The following BUD31 variants were observed in gnomAD, a reference collection of about 807,000 sequenced individuals.
BUD31 encodes BUD31 spliceosome associated protein, also known as protein BUD31 homolog.
A neutral mutation model predicts 17.9 loss-of-function variants in BUD31; 9 were observed. That is an observed-to-expected ratio of 0.50 (90% CI 0.30 to 0.88). BUD31 has a LOEUF of 0.88. Ranked by LOEUF, BUD31 falls within the 40% of genes least tolerant of loss-of-function variation. The pLI is 0.06. For synonymous variants in BUD31, 70 were observed against 64.7 expected (o/e 1.08, Z -0.39); for missense variants, 148 against 184.5 (o/e 0.80, Z 1.15).
At chr7:99,413,076 C>A (rs1466537095) in intron 3 of BUD31, among the ~76,000 whole-genome samples, 3 of 152,010 alleles carry the variant, frequency 2.0e-5, no homozygotes. Flanking sequence ...TGGCAGAGGC[C>A]AAGGAGGAGC....
intron 3 of BUD31, among the ~76,000 whole-genome samples, chr7:99,414,331 G>A (rs1178670642): frequency 1.3e-5 from 2 of 151,832 alleles, no homozygotes; most frequent in African/African-American, 4.8e-5. Flanking sequence ...GTAGTGATGG[G>A]GTTTCACCAC....
intron 4 of BUD31, 119 bp downstream of exon 4, chr7:99,416,379 A>G: frequency 7.5e-7 from 1 of 1,341,314 alleles, no homozygotes; most frequent in Non-Finnish European, 1.0e-6. Context: ...CACGAAAATT[A>G]GGGGGAGCCA....
chr7:99,410,955 T>C (rs1795156478), intron 2 of BUD31, 109 bp from the exon 3 acceptor site: 1 of 679,958 alleles, frequency 1.5e-6, no homozygotes, highest in South Asian at 1.8e-5. Context: ...CCCTGTCCCA[T>C]AGCTGTGACC....
At chr7:99,414,508 T>G (rs961579295) in intron 3 of BUD31, among the ~76,000 whole-genome samples, 1 of 152,264 alleles carries the variant, frequency 6.6e-6, no homozygotes, top group African/African-American at 2.4e-5. Flanking sequence ...TTTTAGTATA[T>G]TCACAAAGTT....
intron 4 of BUD31, chr7:99,416,717 CTTT>C (rs59301509): frequency 7.1e-4 from 70 of 98,904 alleles, no homozygotes; most frequent in South Asian, 2.6e-3. Context: ...CCGCTCTTGG[CTTT>C]TTTTTTTTTT....
chr7:99,413,173 T>G (rs752423317), intron 3 of BUD31, among the ~76,000 whole-genome samples: 2 of 152,048 alleles, frequency 1.3e-5, no homozygotes, highest in Non-Finnish European at 2.9e-5. Flanking sequence ...TGAGCTGAAT[T>G]GTAATTCCTA....
intron 5 of BUD31, 57 bp from the exon 6 acceptor site, chr7:99,419,334 G>A: frequency 6.3e-7 from 1 of 1,596,150 alleles, no homozygotes; most frequent in African/African-American, 1.3e-5. Flanking sequence ...ACATATGTGA[G>A]TGTGCAGGGG....
At chr7:99,418,997 TC>T (rs1352236684) in intron 5 of BUD31, 1 of 235,880 alleles carries the variant, frequency 4.2e-6, no homozygotes, top group Non-Finnish European at 8.5e-6. Flanking sequence ...CCTGCCCTCT[TC>T]CCCCACCAGA....
At chr7:99,414,035 C>G (rs1795288950) in intron 3 of BUD31, among the ~76,000 whole-genome samples, 1 of 152,222 alleles carries the variant, frequency 6.6e-6, no homozygotes, top group South Asian at 2.1e-4. Flanking sequence ...ATGTCTCACA[C>G]ATGGATGTGA....
chr7:99,411,657 C>T (rs140582529), intron 3 of BUD31: 63 of 454,746 alleles, frequency 1.4e-4, no homozygotes, highest in African/African-American at 1.1e-3. Flanking sequence ...AAGCCACAAG[C>T]ATCTGTTGGC....
chr7:99,417,155 C>T, intron 4 of BUD31: 1 of 365,134 alleles, frequency 2.7e-6, no homozygotes, highest in Non-Finnish European at 5.2e-6. Context: ...CTCCTGGGTT[C>T]AAGTGATTCT....
Position 99,411,645 on chromosome 7 carries a change from T to G in BUD31, c.94+459T>G, listed in dbSNP as rs935697747. 4 of 453,228 alleles carry G rather than the reference T, an allele frequency of 8.8e-6. No homozygotes were observed. In the Admixed American group the frequency reaches 9.6e-5, roughly 11 times the overall value. 28.1% of individuals were successfully genotyped at this position (453,228 alleles called of 1,614,324 possible). A position where few individuals can be genotyped will look rare whatever the true frequency, so the allele number is the denominator to read the frequency against. ...CTATGCTGTCTTTGGAAATTTTATC[T>G]GAAGCCACAAGCATCTGTTGGCCTT... On this transcript the variant is annotated intron_variant, in intron 3 of 5. Coordinates refer to ENST00000222969, the MANE Select transcript of BUD31 (RefSeq NM_003910.4).
chr7:99,413,278 T>C (rs778169249), intron 3 of BUD31, among the ~76,000 whole-genome samples: 1 of 152,176 alleles, frequency 6.6e-6, no homozygotes, highest in Non-Finnish European at 1.5e-5. Flanking sequence ...GAGGAGGTCA[T>C]AGACAAAGAT....
intron 3 of BUD31, chr7:99,411,865 C>T: frequency 2.8e-6 from 1 of 356,814 alleles, no homozygotes; most frequent in Non-Finnish European, 5.5e-6. Context: ...CGCCACCATG[C>T]CCGGCTAATT....
At position 99,417,520 on chromosome 7, in the gene BUD31, G is replaced by A. The variant is rs758667020; in HGVS notation, c.309G>A (p.Leu103=). 5 of 1,611,954 alleles carry A rather than the reference G, an allele frequency of 3.1e-6. No homozygotes were observed. The South Asian group carries it at 3.3e-5, about 11-fold the overall frequency. ...AAGGATATGAGAACTTGTGCTGCCT[G>A]CGGTGCATTCAGACACGGGACACCA... ...KKQGYENLCC[L]RCIQTRDTNF... is the part of the protein sequence containing the mutation. Residue 103 remains leucine, a synonymous_variant, in exon 5 of 6, where the codon CTG becomes CTA. Transcript: ENST00000222969.
chr7:99,416,999 G>T, intron 4 of BUD31: 1 of 167,858 alleles, frequency 6.0e-6, no homozygotes, highest in East Asian at 1.9e-4. Context: ...GAGGCACCTT[G>T]CCTGGCCTAA....
At chr7:99,413,230 T>C (rs1052674201) in intron 3 of BUD31, among the ~76,000 whole-genome samples, 1 of 152,124 alleles carries the variant, frequency 6.6e-6, no homozygotes, top group Non-Finnish European at 1.5e-5. Flanking sequence ...GATAGTCTTC[T>C]TGACCACTCT....
chr7:99,411,607 G>A (rs113492304), intron 3 of BUD31: 12 of 424,008 alleles, frequency 2.8e-5, no homozygotes, highest in African/African-American at 1.9e-4. Flanking sequence ...ATCCTGCTTT[G>A]TGAACCCGTG....
chr7:99,418,175 C>T (rs1366299322), intron 5 of BUD31: 2 of 207,390 alleles, frequency 9.6e-6, no homozygotes, highest in Non-Finnish European at 1.8e-5. Flanking sequence ...CAATGTTGCT[C>T]AGGCTGGTCT....
Sources: gnomAD v4.1 joint callset for allele counts (sites outside exome capture counted in the v4.1 genomes callset) on GRCh38, gnomAD v4.1.1 for gene constraint, MANE v1.5 for transcripts, NCBI Gene and HGNC (gene_info 2026-07-23, HGNC 2026-07-21) for gene names.